NSMAF: variants seen among roughly 807,000 people sequenced by gnomAD.
NSMAF encodes neutral sphingomyelinase activation associated factor, also known as protein FAN.
Under a neutral mutation model 134.9 loss-of-function variants are expected in NSMAF, and 90 were observed. The ratio of observed to expected loss-of-function variants is 0.67; its 90% CI spans 0.56 to 0.79. The LOEUF is 0.79. Ranked by LOEUF, NSMAF falls within the 30% of genes least tolerant of loss-of-function variation. The pLI is 0.00. For missense variants in NSMAF, 1,010 were observed against 1,119.0 expected, an observed-to-expected ratio of 0.90 and a Z score of 1.39; for synonymous variants, 358 against 389.6, an observed-to-expected ratio of 0.92 and a Z score of 0.96.
chr8:58,607,528 A>G (rs1806435150), intron 11 of NSMAF, among the ~76,000 whole-genome samples: 1 of 152,274 alleles, frequency 6.6e-6, no homozygotes, highest in Non-Finnish European at 1.5e-5. Context: ...AGGGCACTCT[A>G]GCCCTCTTGC....
At chr8:58,595,221 C>T (rs1247302216) in intron 22 of NSMAF, among the ~76,000 whole-genome samples, 3 of 152,136 alleles carry the variant, frequency 2.0e-5, no homozygotes, top group African/African-American at 7.2e-5. Context: ...GTGGGGTATA[C>T]ATCACACTTC....
chr8:58,589,706 T>C, intron 25 of NSMAF, 131 bp from the exon 26 acceptor site: 5 of 882,264 alleles, frequency 5.7e-6, no homozygotes, highest in Non-Finnish European at 8.1e-6. Context: ...AATTGCTTGT[T>C]CTCAAATTAC....
chr8:58,658,477 A>T (rs1472930317), intron 1 of NSMAF, among the ~76,000 whole-genome samples: 1 of 152,220 alleles, frequency 6.6e-6, no homozygotes, highest in Admixed American at 6.5e-5. Flanking sequence ...AGAAAGATGA[A>T]TGTCTGGATC....
intron 11 of NSMAF, among the ~76,000 whole-genome samples, chr8:58,606,351 T>C (rs1806411775): frequency 6.6e-6 from 1 of 152,226 alleles, no homozygotes. Context: ...AATTCAAAAA[T>C]AGCTGATCCA....
At chr8:58,609,500 G>T in intron 10 of NSMAF, 104 bp downstream of exon 10, 2 of 1,169,492 alleles carry the variant, frequency 1.7e-6, no homozygotes, top group South Asian at 2.6e-5. Context: ...GCAGGGACAT[G>T]ACTTGATCCT....
chr8:58,598,331 T>C (rs1434118806), intron 19 of NSMAF, among the ~76,000 whole-genome samples: 1 of 151,648 alleles, frequency 6.6e-6, no homozygotes, highest in Non-Finnish European at 1.5e-5. Flanking sequence ...AGAAGGTATA[T>C]TGCTGCTATT....
intron 2 of NSMAF, among the ~76,000 whole-genome samples, chr8:58,641,074 A>G (rs1411882567): frequency 6.6e-6 from 1 of 151,334 alleles, no homozygotes; most frequent in Non-Finnish European, 1.5e-5. Flanking sequence ...AGGGTGCACC[A>G]CCACGCCTGG....
At chr8:58,633,019 C>T (rs28755983) in intron 5 of NSMAF, among the ~76,000 whole-genome samples, 46,642 of 152,080 alleles carry the variant, frequency 0.31, 7,588 homozygotes, top group Non-Finnish European at 0.35. Context: ...TCCTGGAACA[C>T]CCCAATAGGT....
chr8:58,584,241 G>C (rs1805833176), intron 30 of NSMAF, 41 bp from the exon 31 acceptor site: 1 of 1,444,268 alleles, frequency 6.9e-7, no homozygotes, highest in Non-Finnish European at 9.7e-7. Context: ...AGTTGACCAG[G>C]AGGCACCCAA....
intron 21 of NSMAF, among the ~76,000 whole-genome samples, chr8:58,596,758 T>C (rs907536258): frequency 2.8e-4 from 43 of 152,006 alleles, no homozygotes; most frequent in African/African-American, 1.0e-3. Context: ...TGAAACCCTG[T>C]CTCTACTAAA....
intron 9 of NSMAF, among the ~76,000 whole-genome samples, chr8:58,618,928 A>G (rs1806724049): frequency 6.6e-6 from 1 of 152,128 alleles, no homozygotes; most frequent in South Asian, 2.1e-4. Context: ...CTTCCCCCAA[A>G]TTCTTTAGCC....
At chr8:58,639,538 A>T (rs1274441526) in intron 2 of NSMAF, among the ~76,000 whole-genome samples, 1 of 152,226 alleles carries the variant, frequency 6.6e-6, no homozygotes. Context: ...TAAAGAAAAC[A>T]GTACAGAGGT....
intron 9 of NSMAF, among the ~76,000 whole-genome samples, chr8:58,621,222 A>C (rs951323753): frequency 6.6e-6 from 1 of 152,066 alleles, no homozygotes; most frequent in Non-Finnish European, 1.5e-5. Flanking sequence ...TCCCACATTA[A>C]TTTGCTCCAG....
intron 9 of NSMAF, among the ~76,000 whole-genome samples, chr8:58,619,810 G>A (rs1046317697): frequency 6.6e-6 from 1 of 152,110 alleles, no homozygotes; most frequent in African/African-American, 2.4e-5. Context: ...TAGATTCACT[G>A]CAATTACAAT....
chr8:58,597,208 T>C (rs1806156536), intron 21 of NSMAF, among the ~76,000 whole-genome samples, 179 bp downstream of exon 21: 2 of 152,196 alleles, frequency 1.3e-5, no homozygotes, highest in African/African-American at 4.8e-5. Context: ...AGTCTATAGC[T>C]GAAAACAAAC....
At chr8:58,659,153 G>A in intron 1 of NSMAF, 1 of 1,395,832 alleles carries the variant, frequency 7.2e-7, no homozygotes, top group Non-Finnish European at 9.3e-7. Flanking sequence ...CCGATTAAGG[G>A]GAAGGATTAG....
chr8:58,599,102 C>G, intron 19 of NSMAF, 130 bp downstream of exon 19: 1 of 852,480 alleles, frequency 1.2e-6, no homozygotes, highest in Non-Finnish European at 1.8e-6. Context: ...CATGCTTCCA[C>G]TGAAGAAATA....
Position 58,659,121 on chromosome 8 carries a change from C to T in NSMAF, c.59+452G>A, listed in dbSNP as rs1423808820. On this transcript the variant is annotated intron_variant, in intron 1 of 30. Coordinates refer to ENST00000038176, the MANE Select transcript of NSMAF (RefSeq NM_003580.4). ...TGCCGCCCGGCGACCAACTCTGCGG[C>T]GCCGGCGCCGAGTGCCTGGACCCGA... 1.0e-4 allele frequency: 127 copies of T among 1,233,140 alleles called. 1 individual carries two copies. The highest frequency in any genetic ancestry group is 9.4e-6 in the Non-Finnish European group (9 of 956,806). The allele number at this position is 1,233,140 out of a possible 1,614,324, so 76.4% of individuals were successfully genotyped here.
At chr8:58,586,769 G>A (rs1190409007) in intron 27 of NSMAF, among the ~76,000 whole-genome samples, 161 bp from the exon 28 acceptor site, 4 of 152,038 alleles carry the variant, frequency 2.6e-5, no homozygotes, top group Admixed American at 1.3e-4. Flanking sequence ...ATCATCCTAC[G>A]GAATAACTTA....
Sources: gnomAD v4.1 joint callset for allele counts (sites outside exome capture counted in the v4.1 genomes callset) on GRCh38, gnomAD v4.1.1 for gene constraint, MANE v1.5 for transcripts, NCBI Gene and HGNC (gene_info 2026-07-23, HGNC 2026-07-21) for gene names.